HSD17B12: variants seen among roughly 807,000 people sequenced by gnomAD.
HSD17B12 encodes the protein hydroxysteroid 17-beta dehydrogenase 12.
In HSD17B12, 32 loss-of-function variants were observed where a neutral mutation model predicts 39.3. That is an observed-to-expected ratio of 0.81 (90% CI 0.61 to 1.09). The LOEUF is 1.09. Ranked by LOEUF, HSD17B12 falls within the 50% of genes least tolerant of loss-of-function variation. HSD17B12 has a pLI of 0.00. For synonymous variants in HSD17B12, 150 were observed against 146.7 expected (o/e 1.02, Z -0.16); for missense variants, 342 against 382.9 (o/e 0.89, Z 0.89).
At chr11:43,767,004 A>G (rs1396542916) in intron 3 of HSD17B12, among the ~76,000 whole-genome samples, 2 of 152,184 alleles carry the variant, frequency 1.3e-5, no homozygotes, top group Non-Finnish European at 2.9e-5. Flanking sequence ...CTAAATTAGC[A>G]TGTGTTGGTC....
the HSD17B12 span, among the ~76,000 whole-genome samples, chr11:43,593,624 G>A: frequency 3.3e-5 from 5 of 152,156 alleles, no homozygotes; most frequent in East Asian, 1.9e-4. Flanking sequence ...CTTTATCTTC[G>A]TAAACTTCCT....
chr11:43,704,846 AC>A (rs1949999301), intron 1 of HSD17B12, among the ~76,000 whole-genome samples: 1 of 152,180 alleles, frequency 6.6e-6, no homozygotes, highest in Non-Finnish European at 1.5e-5. Context: ...GAACCAACAC[AC>A]TGAGGATCAC....
intron 4 of HSD17B12, among the ~76,000 whole-genome samples, chr11:43,802,049 G>A (rs192412444): frequency 2.6e-5 from 4 of 151,716 alleles, no homozygotes; most frequent in Admixed American, 1.3e-4. Context: ...GCAGTGGCGC[G>A]ATCTCTGCTC....
chr11:43,817,541 A>T (rs1405548621), intron 6 of HSD17B12, among the ~76,000 whole-genome samples: 1 of 152,138 alleles, frequency 6.6e-6, no homozygotes, highest in African/African-American at 2.4e-5. Context: ...ATAGATGGGG[A>T]TCCAGTTTCA....
At chr11:43,786,654 A>G (rs1224858241) in intron 3 of HSD17B12, among the ~76,000 whole-genome samples, 1 of 152,240 alleles carries the variant, frequency 6.6e-6, no homozygotes, top group East Asian at 1.9e-4. Context: ...TAGAATATTT[A>G]CAGCTTTCCT....
chr11:43,567,685 G>A, the HSD17B12 span, among the ~76,000 whole-genome samples: 3 of 152,332 alleles, frequency 2.0e-5, no homozygotes, highest in African/African-American at 7.2e-5. Flanking sequence ...AGGAGAAAAG[G>A]TGTCCTGAGG....
intron 6 of HSD17B12, among the ~76,000 whole-genome samples, chr11:43,823,172 T>G (rs900956030): frequency 6.6e-6 from 1 of 152,112 alleles, no homozygotes; most frequent in Non-Finnish European, 1.5e-5. Flanking sequence ...TGGGTGTGGG[T>G]AGGGCACCTT....
At chr11:43,640,312 A>G in the HSD17B12 span, among the ~76,000 whole-genome samples, 10 of 152,184 alleles carry the variant, frequency 6.6e-5, no homozygotes, top group Non-Finnish European at 2.9e-5. Flanking sequence ...TTTTCTAAGC[A>G]GAAAATAATT....
At chr11:43,631,609 G>GTCTC in the HSD17B12 span, among the ~76,000 whole-genome samples, 12 of 116,496 alleles carry the variant, frequency 1.0e-4, no homozygotes, top group Admixed American at 2.0e-4. Flanking sequence ...CTCTCTCTCT[G>GTCTC]TCTCTCTCTC....
the HSD17B12 span, chr11:43,673,196 A>G: frequency 7.2e-5 from 11 of 152,212 alleles, no homozygotes; most frequent in African/African-American, 2.7e-4. Context: ...GTGTACTTTC[A>G]TTCTATAGAA....
chr11:43,793,225 GAATGTTATAAT>G (rs1008146456), intron 3 of HSD17B12, among the ~76,000 whole-genome samples: 7 of 152,132 alleles, frequency 4.6e-5, no homozygotes, highest in Non-Finnish European at 1.0e-4. Context: ...GAATCTTAAA[GAATGTTATAAT>G]AATGTTATAA....
At chr11:43,619,981 C>T in the HSD17B12 span, among the ~76,000 whole-genome samples, 8 of 152,178 alleles carry the variant, frequency 5.3e-5, no homozygotes, top group African/African-American at 1.9e-4. Flanking sequence ...TTGAAGTCCA[C>T]TGGTTAAAAG....
the HSD17B12 span, among the ~76,000 whole-genome samples, chr11:43,667,957 T>C: frequency 6.6e-6 from 1 of 152,114 alleles, no homozygotes; most frequent in Non-Finnish European, 1.5e-5. Flanking sequence ...AAAAAACCCA[T>C]GTAGGATGGA....
intron 3 of HSD17B12, among the ~76,000 whole-genome samples, chr11:43,756,547 A>ATGT (rs970558189): frequency 6.6e-6 from 1 of 152,198 alleles, no homozygotes; most frequent in African/African-American, 2.4e-5. Flanking sequence ...GATTTAAAAA[A>ATGT]TGTTGTGTTT....
the HSD17B12 span, among the ~76,000 whole-genome samples, chr11:43,623,909 T>C: frequency 6.6e-6 from 1 of 152,032 alleles, no homozygotes; most frequent in Non-Finnish European, 1.5e-5. Context: ...AGAATTACAA[T>C]TCAAAATGCA....
At chr11:43,850,399 T>C (rs1413401461) in intron 9 of HSD17B12, among the ~76,000 whole-genome samples, 5 of 152,316 alleles carry the variant, frequency 3.3e-5, no homozygotes, top group Middle Eastern at 3.4e-3. Flanking sequence ...GTGTGCTGGC[T>C]ACACGGTTGA....
At chr11:43,731,153 C>T (rs771439920) in intron 1 of HSD17B12, among the ~76,000 whole-genome samples, 4 of 152,192 alleles carry the variant, frequency 2.6e-5, no homozygotes, top group East Asian at 3.9e-4. Context: ...CACACCACCC[C>T]GCCCAGCTGA....
At chr11:43,616,301 T>G in the HSD17B12 span, among the ~76,000 whole-genome samples, 3 of 151,034 alleles carry the variant, frequency 2.0e-5, no homozygotes, top group Non-Finnish European at 4.4e-5. Flanking sequence ...CCAGCTACTC[T>G]GGAGGCTAAG....
chr11:43,665,777 A>G, the HSD17B12 span, among the ~76,000 whole-genome samples: 1 of 152,160 alleles, frequency 6.6e-6, no homozygotes, highest in Admixed American at 6.5e-5. Flanking sequence ...GCGCATGCAC[A>G]CACACACACA....
Sources: gnomAD v4.1 joint callset for allele counts (sites outside exome capture counted in the v4.1 genomes callset) on GRCh38, gnomAD v4.1.1 for gene constraint, MANE v1.5 for transcripts, NCBI Gene and HGNC (gene_info 2026-07-23, HGNC 2026-07-21) for gene names.